Variants in MCPH1 observed in about 807,000 individuals in gnomAD.
MCPH1 encodes microcephalin 1.
MCPH1 carries 104 observed loss-of-function variants against 84.5 expected under a neutral mutation model. That is an observed-to-expected ratio of 1.23 (90% CI 1.05 to 1.45). The LOEUF (loss-of-function observed/expected upper bound fraction) is 1.45, where lower values mean the gene tolerates loss of function less well. MCPH1 is among the 40% of genes most tolerant of loss of function. MCPH1 has a pLI of 0.00. For synonymous variants in MCPH1, 514 were observed against 366.8 expected (o/e 1.40, Z -4.58); for missense variants, 1,498 against 1,005.7 (o/e 1.49, Z -6.62).
chr8:6,603,465 A>T (rs1829527262), intron 12 of MCPH1, among the ~76,000 whole-genome samples: 1 of 152,210 alleles, frequency 6.6e-6, no homozygotes, highest in South Asian at 2.1e-4. Flanking sequence ...GTTGATTTTA[A>T]AAGTTAAACA....
At chr8:6,433,771 A>T (rs549833927) in intron 4 of MCPH1, among the ~76,000 whole-genome samples, 1 of 151,588 alleles carries the variant, frequency 6.6e-6, no homozygotes, top group Non-Finnish European at 1.5e-5. Context: ...ATGTCTAAAA[A>T]CCTTCCCTTT....
chr8:6,512,850 G>A (rs1476852043), intron 12 of MCPH1, among the ~76,000 whole-genome samples: 1 of 152,206 alleles, frequency 6.6e-6, no homozygotes, highest in Non-Finnish European at 1.5e-5. Flanking sequence ...TGAATCTGAT[G>A]TATTTCCTGT....
intron 7 of MCPH1, among the ~76,000 whole-genome samples, chr8:6,443,968 T>G (rs1803884219): frequency 6.6e-6 from 1 of 152,164 alleles, no homozygotes; most frequent in African/African-American, 2.4e-5. Flanking sequence ...ACAGGGAAGG[T>G]AAGGGTGAGC....
At chr8:6,519,481 C>T (rs978969804) in intron 12 of MCPH1, among the ~76,000 whole-genome samples, 36 of 152,194 alleles carry the variant, frequency 2.4e-4, no homozygotes, top group African/African-American at 8.7e-4. Flanking sequence ...AATTTCATGA[C>T]ACCTCTATGG....
At chr8:6,407,844 C>G (rs1299241570) in intron 1 of MCPH1, among the ~76,000 whole-genome samples, 1 of 152,092 alleles carries the variant, frequency 6.6e-6, no homozygotes, top group East Asian at 1.9e-4. Context: ...TTGTAAGGGT[C>G]TACGAGCTAA....
At chr8:6,577,199 G>T (rs1827196919) in intron 12 of MCPH1, among the ~76,000 whole-genome samples, 1 of 152,186 alleles carries the variant, frequency 6.6e-6, no homozygotes, top group Non-Finnish European at 1.5e-5. Flanking sequence ...CTTCCTCAGA[G>T]CATCTGCAGT....
intron 12 of MCPH1, among the ~76,000 whole-genome samples, chr8:6,620,760 C>T (rs980406774): frequency 3.9e-5 from 6 of 152,304 alleles, no homozygotes; most frequent in African/African-American, 4.8e-5. Context: ...TGGGCCTTCC[C>T]GCGGTCCTCT....
At position 6,444,527 on chromosome 8, in the gene MCPH1, T is replaced by G. The variant is rs1253814305; in HGVS notation, c.805T>G (p.Leu269Val). ...TGATGTGTGTATTTCTTCACTTGTA[T>G]TGAAAGCAAATAATATTCATTCATC... ...KSDVCISSLV[L>V]KANNIHSSPS... The change falls in exon 8 of 14, where the codon TTG becomes GTG. Residue 269 changes from leucine (L) to valine (V), a missense_variant. Coordinates refer to ENST00000344683, the MANE Select transcript of MCPH1 (RefSeq NM_024596.5). 6.2e-7 allele frequency: 1 copy of G among 1,614,238 alleles called. No homozygotes were observed. Among genetic ancestry groups the G allele is most frequent in the Non-Finnish European group, 8.5e-7 (1 of 1,180,030 alleles).
intron 12 of MCPH1, among the ~76,000 whole-genome samples, chr8:6,611,609 C>A (rs764991049): frequency 1.4e-5 from 2 of 144,496 alleles, no homozygotes; most frequent in Non-Finnish European, 3.1e-5. Context: ...AACCCTTTAA[C>A]GTCAGGATTT....
At chr8:6,446,063 TAACTATGAAGA>T in intron 8 of MCPH1, 1 of 980,542 alleles carries the variant, frequency 1.0e-6, no homozygotes, top group Non-Finnish European at 1.2e-6. Flanking sequence ...TGGTCAGTGT[TAACTATGAAGA>T]AACATTTAAA....
At chr8:6,440,921 A>G (rs1277698640) in intron 6 of MCPH1, among the ~76,000 whole-genome samples, 2 of 152,176 alleles carry the variant, frequency 1.3e-5, no homozygotes, top group African/African-American at 4.8e-5. Flanking sequence ...CAGGGCTGGG[A>G]TGCCATTCCA....
chr8:6,438,335 A>G (rs1283255406), intron 5 of MCPH1, among the ~76,000 whole-genome samples: 2 of 152,222 alleles, frequency 1.3e-5, no homozygotes, highest in African/African-American at 4.8e-5. Flanking sequence ...TAAGAGTCCC[A>G]AAGGAGAATA....
chr8:6,623,512 T>C lies in MCPH1; in HGVS notation c.2452+1821T>C, dbSNP rs114863379. Among the ~76,000 whole-genome samples, 760 of 152,192 alleles carry C rather than the reference T, an allele frequency of 5.0e-3. 6 individuals are homozygous for C. Among genetic ancestry groups the C allele is most frequent in the African/African-American group, 0.017 (705 of 41,508 alleles). On this transcript the variant is annotated intron_variant, in intron 13 of 13. Transcript: ENST00000344683. ...TCATCTGCTCAACATTATCCCTTAA[T>C]AGACAAGTAGATACTGTGTTTGTTC... is the stretch of plus-strand genomic sequence containing the variant.
At chr8:6,567,875 T>A (rs1826331831) in intron 12 of MCPH1, among the ~76,000 whole-genome samples, 2 of 152,216 alleles carry the variant, frequency 1.3e-5, no homozygotes, top group South Asian at 4.1e-4. Flanking sequence ...ATGAGAAACA[T>A]TATTACAGGT....
chr8:6,468,512 G>T (rs537668726), intron 9 of MCPH1, among the ~76,000 whole-genome samples: 2 of 152,218 alleles, frequency 1.3e-5, no homozygotes, highest in South Asian at 4.1e-4. Flanking sequence ...AGGTGCATGT[G>T]TAGACCCCAT....
intron 12 of MCPH1, among the ~76,000 whole-genome samples, chr8:6,593,341 C>T (rs1381686935): frequency 6.6e-6 from 1 of 151,658 alleles, no homozygotes; most frequent in Non-Finnish European, 1.5e-5. Context: ...CCTCGGCCTC[C>T]CAACCTGCTG....
At chr8:6,493,256 C>A (rs1357620511) in intron 11 of MCPH1, among the ~76,000 whole-genome samples, 5 of 152,068 alleles carry the variant, frequency 3.3e-5, no homozygotes, top group African/African-American at 1.2e-4. Flanking sequence ...AGCAGTTAAG[C>A]CTTAACATCG....
chr8:6,517,131 G>C (rs1387772205), intron 12 of MCPH1, among the ~76,000 whole-genome samples: 2 of 152,224 alleles, frequency 1.3e-5, no homozygotes, highest in Non-Finnish European at 2.9e-5. Context: ...GAGTAAAAGT[G>C]CTGAAATTGA....
At position 6,436,169 on chromosome 8, in the gene MCPH1, T is replaced by A; in HGVS notation, c.436+7T>A. The stretch of plus-strand genomic sequence containing the variant: ...AGGCAAAAAACAAATCTAGGTAAGC[T>A]AAGAAATATAATACAGTTCTTTGCA... On this transcript the variant is annotated splice_region_variant and intron_variant, in intron 5 of 13. Coordinates refer to ENST00000344683, the MANE Select transcript of MCPH1 (RefSeq NM_024596.5). 1 of 1,612,114 alleles carries A rather than the reference T, an allele frequency of 6.2e-7. No homozygotes were observed. Among genetic ancestry groups the A allele is most frequent in the African/African-American group, 1.3e-5 (1 of 75,026 alleles).
Sources: gnomAD v4.1 joint callset for allele counts (sites outside exome capture counted in the v4.1 genomes callset) on GRCh38, gnomAD v4.1.1 for gene constraint, MANE v1.5 for transcripts, NCBI Gene and HGNC (gene_info 2026-07-23, HGNC 2026-07-21) for gene names.